MBTD1: variants seen among roughly 807,000 people sequenced by gnomAD.
The protein encoded by MBTD1 is MBT domain-containing protein 1.
Under a neutral mutation model 87.8 loss-of-function variants are expected in MBTD1, and 24 were observed. The observed-to-expected ratio is 0.27, with a 90% CI of 0.20 to 0.38. The LOEUF (loss-of-function observed/expected upper bound fraction) is 0.38. Ranked by LOEUF, MBTD1 falls within the 10% of genes least tolerant of loss-of-function variation. MBTD1 has a pLI of 1.00. For synonymous variants in MBTD1, 237 were observed against 248.6 expected, an observed-to-expected ratio of 0.95 and a Z score of 0.44; for missense variants, 436 against 760.2, an observed-to-expected ratio of 0.57 and a Z score of 5.02.
chr17:51,217,457 C>T, intron 5 of MBTD1, 41 bp from the exon 6 acceptor site: 1 of 952,848 alleles, frequency 1.0e-6, no homozygotes, highest in South Asian at 1.7e-5. Flanking sequence ...ATTCTCAAAT[C>T]TTTTATTTAT....
intron 1 of MBTD1, among the ~76,000 whole-genome samples, 172 bp downstream of exon 1, chr17:51,259,663 C>T (rs1227523218): frequency 6.6e-6 from 1 of 151,512 alleles, no homozygotes; most frequent in East Asian, 1.9e-4. Context: ...AGGGGAACCC[C>T]TGAATCGTTT....
Position 51,192,995 on chromosome 17 carries a change from G to A in MBTD1, c.1477C>T (p.Arg493Cys), listed in dbSNP as rs776267329. ...ACTGCTTCTAATTTCATTCCTACAC[G>A]AAATCCGTGATTTGGAACATCCTGA... ...FNKDVPNHGFRVGMKLEAVDL... is the reference protein window; with the variant it reads ...FNKDVPNHGFCVGMKLEAVDL... Residue 493 changes from arginine to cysteine, a missense_variant, in exon 15 of 17, where the codon CGT becomes TGT. Coordinates refer to ENST00000586178, the MANE Select transcript of MBTD1 (RefSeq NM_017643.3). 6.2e-6 allele frequency: 10 copies of A among 1,610,378 alleles called. No homozygotes were observed. The highest frequency in any genetic ancestry group is 1.7e-4 in the Middle Eastern group (1 of 6,042).
intron 2 of MBTD1, among the ~76,000 whole-genome samples, chr17:51,227,058 C>T (rs1290290548): frequency 5.9e-5 from 9 of 151,922 alleles, no homozygotes; most frequent in Non-Finnish European, 8.8e-5. Flanking sequence ...CTGGCTAACA[C>T]GGTGAAACCC....
intron 2 of MBTD1, among the ~76,000 whole-genome samples, chr17:51,244,460 T>C (rs1229958166): frequency 6.6e-6 from 1 of 152,206 alleles, no homozygotes; most frequent in Non-Finnish European, 1.5e-5. Context: ...TTGTTGCCAG[T>C]GCAGTGGCAT....
At chr17:51,186,904 T>C (rs983569255) in intron 16 of MBTD1, among the ~76,000 whole-genome samples, 4 of 152,120 alleles carry the variant, frequency 2.6e-5, no homozygotes, top group Non-Finnish European at 5.9e-5. Context: ...AAAACACTAC[T>C]TTTAGGTAGC....
intron 2 of MBTD1, among the ~76,000 whole-genome samples, chr17:51,232,685 T>C (rs774446015): frequency 2.5e-4 from 38 of 151,776 alleles, no homozygotes; most frequent in Non-Finnish European, 1.3e-4. Context: ...GGAGTGAGTA[T>C]GGAGAATGGA....
intron 2 of MBTD1, among the ~76,000 whole-genome samples, chr17:51,232,841 C>T (rs2053617425): frequency 6.6e-6 from 1 of 151,662 alleles, no homozygotes; most frequent in South Asian, 2.1e-4. Flanking sequence ...AGTTCGAGAC[C>T]AGCCTGAGCA....
Position 51,192,775 on chromosome 17 carries a change from A to G in MBTD1, c.1690+7T>C. 6.2e-7 allele frequency: 1 copy of G among 1,613,988 alleles called. No individual in the cohort carries two copies. Among genetic ancestry groups the G allele is most frequent in the Non-Finnish European group, 8.5e-7 (1 of 1,179,912 alleles). ...CAAAAGGACACCTTTTCTGTATACC[A>G]ACTTACACTGTGATGCTGGAGGCTG... On this transcript the variant is annotated splice_region_variant and intron_variant, in intron 15 of 16. Coordinates refer to ENST00000586178, the MANE Select transcript of MBTD1 (RefSeq NM_017643.3).
At chr17:51,233,404 G>A (rs548177027) in intron 2 of MBTD1, among the ~76,000 whole-genome samples, 2 of 152,196 alleles carry the variant, frequency 1.3e-5, no homozygotes, top group East Asian at 1.9e-4. Context: ...AAAAAATTAC[G>A]AATTCTTCAG....
chr17:51,210,731 G>C (rs904896039), intron 6 of MBTD1, among the ~76,000 whole-genome samples: 1 of 151,286 alleles, frequency 6.6e-6, no homozygotes, highest in Non-Finnish European at 1.5e-5. Context: ...ACTCCAGCCT[G>C]GGCAACAGAG....
chr17:51,195,438 G>T, intron 12 of MBTD1, 77 bp from the exon 13 acceptor site: 2 of 1,221,850 alleles, frequency 1.6e-6, no homozygotes, highest in Non-Finnish European at 2.3e-6. Context: ...CATTCTAAAA[G>T]AAAGGAAAAT....
chr17:51,183,079 G>A lies in MBTD1; in HGVS notation c.1769-2385C>T, dbSNP rs541260720. On this transcript the variant is annotated intron_variant, in intron 16 of 16. Coordinates refer to ENST00000586178, the MANE Select transcript of MBTD1 (RefSeq NM_017643.3). ...TGGGATTACAGGCGTGAGCCACCGT[G>A]CCTGGCCCATGTCTTGATTTTAGTT... The A allele has an allele frequency of 4.6e-5, 7 of 151,316 alleles. 1 individual carries two copies. In the East Asian group the frequency reaches 9.7e-4, roughly 21 times the overall value. 9.4% of individuals were successfully genotyped at this position (151,316 alleles called of 1,614,324 possible). A position where few individuals can be genotyped will look rare whatever the true frequency, so the allele number is the denominator to read the frequency against.
chr17:51,217,473 GGTT>G, intron 5 of MBTD1, 57 bp from the exon 6 acceptor site: 1 of 799,528 alleles, frequency 1.3e-6, no homozygotes, highest in Non-Finnish European at 2.0e-6. Flanking sequence ...TTTATAAGAA[GGTT>G]ATCATTGTTA....
At chr17:51,225,524 G>C (rs1413493859) in intron 2 of MBTD1, among the ~76,000 whole-genome samples, 4 of 146,044 alleles carry the variant, frequency 2.7e-5, no homozygotes, top group Non-Finnish European at 5.9e-5. Context: ...AAACATTTTT[G>C]TGTTTTTTTT....
chr17:51,203,543 T>C (rs930788219), intron 8 of MBTD1, among the ~76,000 whole-genome samples: 1 of 152,156 alleles, frequency 6.6e-6, no homozygotes, highest in Admixed American at 6.5e-5. Flanking sequence ...GCCTCCTGAG[T>C]ACAGGCATGC....
In MBTD1 at chr17:51,202,691, A is replaced by T. The variant is rs1310292615; in HGVS notation, c.1063+10T>A. ...TGCTTTTGACAGGAGTTCTTGTGAT[A>T]GGTGCTTACCAGATCTTTTGAATCG... On this transcript the variant is annotated intron_variant, in intron 10 of 16. Coordinates refer to ENST00000586178, the MANE Select transcript of MBTD1 (RefSeq NM_017643.3). 1 of 1,597,316 alleles carries T rather than the reference A, an allele frequency of 6.3e-7. No homozygotes were observed. The highest frequency in any genetic ancestry group is 8.6e-7 in the Non-Finnish European group (1 of 1,164,814).
intron 2 of MBTD1, among the ~76,000 whole-genome samples, chr17:51,237,691 C>T (rs1298052932): frequency 1.3e-5 from 2 of 152,226 alleles, no homozygotes; most frequent in Non-Finnish European, 2.9e-5. Flanking sequence ...GCAAATGGAA[C>T]TCTCATACAT....
At position 51,177,858 on chromosome 17, in the gene MBTD1, A is replaced by G. The variant is rs1369136770; in HGVS notation, c.*2718T>C. ...CCAGTTTAATCACAGTATTTTTAAA[A>G]TCCCTTCCCAATATTAAAGGATCAT... On this transcript the variant is annotated 3_prime_UTR_variant, in exon 17 of 17. Transcript: ENST00000586178. 1 of 152,190 alleles carries G rather than the reference A, an allele frequency of 6.6e-6. No individual in the cohort carries two copies. The highest frequency in any genetic ancestry group is 1.5e-5 in the Non-Finnish European group (1 of 68,044). The allele number at this position is 152,190 out of a possible 1,614,324, so 9.4% of individuals were successfully genotyped here.
intron 2 of MBTD1, among the ~76,000 whole-genome samples, chr17:51,240,948 C>T (rs1227693247): frequency 3.3e-5 from 5 of 152,018 alleles, no homozygotes; most frequent in Middle Eastern, 3.2e-3. Context: ...TCCAGAGGCA[C>T]GAGGTCCATC....
Sources: gnomAD v4.1 joint callset for allele counts (sites outside exome capture counted in the v4.1 genomes callset) on GRCh38, gnomAD v4.1.1 for gene constraint, MANE v1.5 for transcripts, NCBI Gene and HGNC (gene_info 2026-07-23, HGNC 2026-07-21) for gene names.